DLGAP5: variants seen among roughly 807,000 people sequenced by gnomAD.
DLGAP5 encodes the protein DLG associated protein 5.
Under a neutral mutation model 99.6 loss-of-function variants are expected in DLGAP5, and 90 were observed. The observed-to-expected ratio is 0.90, with a 90% CI of 0.76 to 1.08. DLGAP5 has a LOEUF of 1.08. DLGAP5 is among the 50% of genes least tolerant of loss of function. The pLI, the probability that DLGAP5 is intolerant of heterozygous loss-of-function variation, is 0.00. For synonymous variants in DLGAP5, 311 were observed against 321.3 expected, an observed-to-expected ratio of 0.97 and a Z score of 0.34; for missense variants, 1,036 against 983.5, an observed-to-expected ratio of 1.05 and a Z score of -0.71.
At chr14:55,175,517 T>C (rs1277103119) in intron 9 of DLGAP5, 45 bp from the exon 10 acceptor site, 2 of 1,119,214 alleles carry the variant, frequency 1.8e-6, no homozygotes, top group African/African-American at 3.3e-5. Context: ...AAAGCAACAA[T>C]TCCTAAAATG....
At chr14:55,161,494 C>T (rs1882432701) in intron 13 of DLGAP5, among the ~76,000 whole-genome samples, 1 of 148,650 alleles carries the variant, frequency 6.7e-6, no homozygotes, top group Admixed American at 6.7e-5. Flanking sequence ...ACCACAACCT[C>T]TGCCTCCCAG....
intron 2 of DLGAP5, among the ~76,000 whole-genome samples, chr14:55,185,444 C>T (rs1883401014): frequency 6.6e-6 from 1 of 152,048 alleles, no homozygotes; most frequent in Non-Finnish European, 1.5e-5. Flanking sequence ...CATGATTCAC[C>T]CACCTCGGCC....
intron 13 of DLGAP5, among the ~76,000 whole-genome samples, chr14:55,159,026 T>C (rs1476328266): frequency 6.7e-6 from 1 of 148,802 alleles, no homozygotes; most frequent in African/African-American, 2.5e-5. Context: ...GGACATCCTT[T>C]AGATTATAAC....
chr14:55,180,964 A>G (rs1436585136), intron 5 of DLGAP5, among the ~76,000 whole-genome samples, 186 bp from the exon 6 acceptor site: 3 of 152,118 alleles, frequency 2.0e-5, no homozygotes, highest in African/African-American at 7.2e-5. Context: ...AAAAAATATA[A>G]AAATCAGCTG....
chr14:55,172,759 G>A (rs925000426), intron 10 of DLGAP5, among the ~76,000 whole-genome samples: 37 of 152,114 alleles, frequency 2.4e-4, no homozygotes, highest in African/African-American at 7.0e-4. Flanking sequence ...TGAGGCAAGC[G>A]GATCACAAGG....
At chr14:55,181,078 G>T in intron 5 of DLGAP5, 135 bp downstream of exon 5, 1 of 856,630 alleles carries the variant, frequency 1.2e-6, no homozygotes, top group Non-Finnish European at 1.8e-6. Flanking sequence ...TTGTGCCACT[G>T]CACTCCAACC....
chr14:55,151,286 G>A (rs779776819), intron 17 of DLGAP5, among the ~76,000 whole-genome samples: 8 of 152,170 alleles, frequency 5.3e-5, no homozygotes, highest in Admixed American at 1.3e-4. Context: ...AGGCAGTAGG[G>A]AAGAAAAATA....
intron 17 of DLGAP5, among the ~76,000 whole-genome samples, chr14:55,151,175 GACTA>G (rs1275943459): frequency 5.9e-5 from 9 of 152,286 alleles, no homozygotes; most frequent in Non-Finnish European, 1.0e-4. Context: ...ACCAGCTACA[GACTA>G]ACTGATGAAA....
intron 14 of DLGAP5, among the ~76,000 whole-genome samples, chr14:55,156,559 T>C (rs931869858): frequency 6.6e-6 from 1 of 152,234 alleles, no homozygotes; most frequent in African/African-American, 2.4e-5. Flanking sequence ...CCCAGCATAA[T>C]GGCCCCGCTA....
chr14:55,168,556 A>C (rs1464756051), intron 12 of DLGAP5, among the ~76,000 whole-genome samples: 2 of 148,684 alleles, frequency 1.3e-5, no homozygotes, highest in Non-Finnish European at 2.9e-5. Context: ...AAATAAGTTC[A>C]AAACGCTAGA....
At chr14:55,156,793 C>A (rs1466082996) in intron 14 of DLGAP5, among the ~76,000 whole-genome samples, 2 of 152,086 alleles carry the variant, frequency 1.3e-5, no homozygotes, top group African/African-American at 4.8e-5. Context: ...TCATTAATAT[C>A]CTTGGAAAGA....
chr14:55,170,355 C>T (rs1882813218), intron 11 of DLGAP5, among the ~76,000 whole-genome samples: 1 of 151,934 alleles, frequency 6.6e-6, no homozygotes, highest in African/African-American at 2.4e-5. Flanking sequence ...TATCAGATAT[C>T]AATTGATATC....
At chr14:55,180,316 T>C (rs1883228648) in intron 6 of DLGAP5, among the ~76,000 whole-genome samples, 1 of 152,234 alleles carries the variant, frequency 6.6e-6, no homozygotes, top group African/African-American at 2.4e-5. Context: ...CCTGCTTTTC[T>C]TTGCCCACTT....
At chr14:55,177,851 T>C (rs1883134465) in intron 7 of DLGAP5, among the ~76,000 whole-genome samples, 1 of 151,846 alleles carries the variant, frequency 6.6e-6, no homozygotes, top group Non-Finnish European at 1.5e-5. Flanking sequence ...CCAATTCTTA[T>C]TTAAAGACTA....
At chr14:55,162,920 C>G in intron 13 of DLGAP5, 51 bp downstream of exon 13, 1 of 920,946 alleles carries the variant, frequency 1.1e-6, no homozygotes, top group Non-Finnish European at 1.6e-6. Context: ...GTATGTATAA[C>G]AGTTCCTTAA....
In DLGAP5 at chr14:55,183,751, C is replaced by G; in HGVS notation, c.241G>C (p.Ala81Pro). The G allele has an allele frequency of 6.4e-7, 1 of 1,564,442 alleles. No individual in the cohort carries two copies. The highest frequency in any genetic ancestry group is 1.2e-5 in the South Asian group (1 of 83,534). The change falls in exon 3 of 19, where the codon GCA (alanine) becomes CCA (proline). Residue 81 changes from alanine (A) to proline (P), a missense_variant and splice_region_variant. Ala to Pro is a conservative substitution (Grantham distance 27, BLOSUM62 -1). Transcript: ENST00000247191. ...VPEKTNVKPRAMKTILGDQRK... is the reference protein window; with the variant it reads ...VPEKTNVKPRPMKTILGDQRK... ...TGATCACCTAGAATAGTTTTCATTG[C>G]CCCTAGGCAGAAAAAAAACCAAAAC...
At chr14:55,162,926 C>T in intron 13 of DLGAP5, 45 bp downstream of exon 13, 1 of 1,101,654 alleles carries the variant, frequency 9.1e-7, no homozygotes, top group East Asian at 2.5e-5. Flanking sequence ...ATAACAGTTC[C>T]TTAACTAAAA....
At chr14:55,160,570 C>T (rs1241324653) in intron 13 of DLGAP5, among the ~76,000 whole-genome samples, 5 of 151,840 alleles carry the variant, frequency 3.3e-5, no homozygotes, top group Admixed American at 3.3e-4. Flanking sequence ...ACCCCAGCCT[C>T]CTGAGTAGCT....
chr14:55,161,874 CAAAAAAAAAAAAAA>C (rs34002442), intron 13 of DLGAP5, among the ~76,000 whole-genome samples: 13 of 37,962 alleles, frequency 3.4e-4, no homozygotes, highest in Non-Finnish European at 5.4e-4. Flanking sequence ...AACTCTGTCT[CAAAAAAAAAAAAAA>C]AAAAAAAAAA....
Sources: gnomAD v4.1 joint callset for allele counts (sites outside exome capture counted in the v4.1 genomes callset) on GRCh38, gnomAD v4.1.1 for gene constraint, MANE v1.5 for transcripts, NCBI Gene and HGNC (gene_info 2026-07-23, HGNC 2026-07-21) for gene names.